STXBP5L: variants seen among roughly 807,000 people sequenced by gnomAD.
The protein encoded by STXBP5L is syntaxin binding protein 5L, also known as syntaxin-binding protein 5-like.
STXBP5L carries 65 observed loss-of-function variants against 144.5 expected under a neutral mutation model. The observed-to-expected ratio is 0.45, with a 90% CI of 0.37 to 0.55. The LOEUF (loss-of-function observed/expected upper bound fraction) is 0.55, where lower values mean the gene tolerates loss of function less well. Ranked by LOEUF, STXBP5L falls within the 20% of genes least tolerant of loss-of-function variation. The pLI is 0.00. For synonymous variants in STXBP5L, 505 were observed against 469.6 expected, an observed-to-expected ratio of 1.08 and a Z score of -0.97; for missense variants, 1,298 against 1,405.5, an observed-to-expected ratio of 0.92 and a Z score of 1.22.
At chr3:121,042,700 C>A (rs758646880) in intron 4 of STXBP5L, among the ~76,000 whole-genome samples, 3 of 151,986 alleles carry the variant, frequency 2.0e-5, no homozygotes, top group Non-Finnish European at 4.4e-5. Flanking sequence ...TCAGAGGTAA[C>A]CCAAGGCAAG....
At chr3:121,117,991 A>G (rs936686870) in intron 6 of STXBP5L, among the ~76,000 whole-genome samples, 1 of 151,734 alleles carries the variant, frequency 6.6e-6, no homozygotes, top group African/African-American at 2.4e-5. Flanking sequence ...CTAACATTTT[A>G]AAAAAATGTA....
At chr3:120,969,099 TC>T (rs1181969222) in intron 3 of STXBP5L, among the ~76,000 whole-genome samples, 3 of 152,172 alleles carry the variant, frequency 2.0e-5, no homozygotes, top group African/African-American at 7.2e-5. Flanking sequence ...TACTTGTGGT[TC>T]TTTAAGGAAC....
intron 18 of STXBP5L, among the ~76,000 whole-genome samples, chr3:121,275,830 A>G (rs1000677087): frequency 4.6e-5 from 7 of 152,084 alleles, no homozygotes; most frequent in Non-Finnish European, 8.8e-5. Context: ...CTATATTAGT[A>G]TAGTCGTTTC....
At chr3:121,077,585 C>T (rs946435018) in intron 5 of STXBP5L, among the ~76,000 whole-genome samples, 5 of 152,096 alleles carry the variant, frequency 3.3e-5, no homozygotes, top group Non-Finnish European at 4.4e-5. Flanking sequence ...GGGACCTGAG[C>T]GGGTTGCCAC....
chr3:121,212,527 T>G (rs922081660), intron 10 of STXBP5L, among the ~76,000 whole-genome samples: 2 of 152,166 alleles, frequency 1.3e-5, no homozygotes, highest in East Asian at 1.9e-4. Flanking sequence ...TGGTTGTAGA[T>G]GGGTGGAGTT....
rs1244679230 is a variant in STXBP5L, at chr3:121,011,701, A to T, written c.288-29999A>T. Among the ~76,000 whole-genome samples the T allele has an allele frequency of 5.3e-5, 8 of 151,772 alleles. No individual in the cohort carries two copies. In the Admixed American group the frequency reaches 5.3e-4, roughly 10 times the overall value. On this transcript the variant is annotated intron_variant, in intron 3 of 26. Transcript: ENST00000471454. ...TTATTACAGATACAATTAAGATCCC[A>T]AATCCTCTTTTTCAGCCCCTTTCCC... is the stretch of plus-strand genomic sequence containing the variant.
At chr3:121,183,061 G>T (rs1004101880) in intron 9 of STXBP5L, among the ~76,000 whole-genome samples, 1 of 152,046 alleles carries the variant, frequency 6.6e-6, no homozygotes, top group South Asian at 2.1e-4. Context: ...AACAAAAATT[G>T]GTGGGGAAAA....
At position 121,343,137 on chromosome 3, in the gene STXBP5L, A is replaced by T. The variant is rs1049413257; in HGVS notation, c.2176+24597A>T. Among the ~76,000 whole-genome samples the T allele has an allele frequency of 2.6e-5, 4 of 152,138 alleles. 1 individual carries two copies. The highest frequency in any genetic ancestry group is 3.9e-4 in the East Asian group (2 of 5,178). ...TTTTCCTGTGTTTTTTGGCTGCATAAATGTCTTCTTTTGAGAAGTGTCTGT... is the reference window on the plus strand; with the variant it reads ...TTTTCCTGTGTTTTTTGGCTGCATATATGTCTTCTTTTGAGAAGTGTCTGT... On this transcript the variant is annotated intron_variant, in intron 20 of 26. Transcript: ENST00000471454.
At chr3:121,371,484 GTTC>G (rs1386730827) in intron 20 of STXBP5L, among the ~76,000 whole-genome samples, 3 of 152,234 alleles carry the variant, frequency 2.0e-5, no homozygotes, top group South Asian at 2.1e-4. Flanking sequence ...AGCAGATTCT[GTTC>G]TTATTTGCAC....
At chr3:120,992,460 C>A (rs1358159160) in intron 3 of STXBP5L, among the ~76,000 whole-genome samples, 1 of 152,048 alleles carries the variant, frequency 6.6e-6, no homozygotes, top group Non-Finnish European at 1.5e-5. Flanking sequence ...CCCCATGCAG[C>A]CTTCCTCACC....
chr3:120,923,578 A>AT (rs1186325837), intron 2 of STXBP5L, among the ~76,000 whole-genome samples: 1 of 150,514 alleles, frequency 6.6e-6, no homozygotes, highest in Non-Finnish European at 1.5e-5. Context: ...TTCCTTCTTA[A>AT]TTTTTTTCAT....
At position 121,157,637 on chromosome 3, in the gene STXBP5L, A is replaced by C. The variant is rs762539255; in HGVS notation, c.877+10A>C. The C allele has an allele frequency of 2.5e-6, 4 of 1,594,634 alleles. No individual in the cohort carries two copies. Among genetic ancestry groups the C allele is most frequent in the Non-Finnish European group, 3.4e-6 (4 of 1,173,110 alleles). ...ACCACAATTCCACATGGTAAGATGTATGCTTTCAAAAGGAATAAACACTGG... is the reference window on the plus strand; with the variant it reads ...ACCACAATTCCACATGGTAAGATGTCTGCTTTCAAAAGGAATAAACACTGG... On this transcript the variant is annotated intron_variant, in intron 9 of 26. Transcript: ENST00000471454.
intron 20 of STXBP5L, among the ~76,000 whole-genome samples, chr3:121,370,780 C>T (rs187836432): frequency 3.9e-5 from 6 of 152,262 alleles, no homozygotes; most frequent in Non-Finnish European, 8.8e-5. Context: ...AAATTCTTTC[C>T]TCAGCTTAGT....
intron 18 of STXBP5L, among the ~76,000 whole-genome samples, chr3:121,264,600 T>C (rs1419919204): frequency 6.6e-6 from 1 of 152,092 alleles, no homozygotes; most frequent in Non-Finnish European, 1.5e-5. Flanking sequence ...AGCGTCATAA[T>C]GACAGGATCA....
intron 3 of STXBP5L, among the ~76,000 whole-genome samples, chr3:120,977,956 T>A (rs1347564191): frequency 6.6e-6 from 1 of 152,248 alleles, no homozygotes; most frequent in Non-Finnish European, 1.5e-5. Context: ...AACCCGACCT[T>A]TGTCTCTGGC....
chr3:121,133,796 A>G (rs774702651), intron 7 of STXBP5L, among the ~76,000 whole-genome samples: 4 of 152,196 alleles, frequency 2.6e-5, no homozygotes, highest in Non-Finnish European at 5.9e-5. Context: ...ACTTACAATC[A>G]TGGCGCAAGG....
chr3:121,042,921 C>T (rs1947259532), intron 4 of STXBP5L, among the ~76,000 whole-genome samples: 1 of 151,492 alleles, frequency 6.6e-6, no homozygotes, highest in African/African-American at 2.4e-5. Context: ...TGTCAGGCTT[C>T]TCGAGGTCTC....
At chr3:121,159,359 G>A (rs886235958) in intron 9 of STXBP5L, among the ~76,000 whole-genome samples, 1 of 151,588 alleles carries the variant, frequency 6.6e-6, no homozygotes, top group Non-Finnish European at 1.5e-5. Context: ...ATAAAAGATG[G>A]GTCTTACTAT....
At chr3:120,924,418 AAAAC>A (rs1189938224) in intron 2 of STXBP5L, among the ~76,000 whole-genome samples, 2 of 152,200 alleles carry the variant, frequency 1.3e-5, no homozygotes, top group African/African-American at 4.8e-5. Context: ...ACATTAATGA[AAAAC>A]AATCTAAGGA....
Sources: gnomAD v4.1 joint callset for allele counts (sites outside exome capture counted in the v4.1 genomes callset) on GRCh38, gnomAD v4.1.1 for gene constraint, MANE v1.5 for transcripts, NCBI Gene and HGNC (gene_info 2026-07-23, HGNC 2026-07-21) for gene names.